Variants in HDAC9 observed in about 807,000 individuals in gnomAD.
The protein encoded by HDAC9 is histone deacetylase 9, also known as MEF-2 interacting transcription repressor (MITR) protein.
A neutral mutation model predicts 139.4 loss-of-function variants in HDAC9; 41 were observed. That is an observed-to-expected ratio of 0.29 (90% CI 0.23 to 0.38). HDAC9 has a LOEUF of 0.38. Among genes scored for constraint, HDAC9 ranks in the 10% least tolerant of loss-of-function variants. The pLI, the probability that HDAC9 is intolerant of heterozygous loss-of-function variation, is 1.00. For synonymous variants in HDAC9, 517 were observed against 476.2 expected (o/e 1.09, Z -1.12); for missense variants, 1,147 against 1,297.0 (o/e 0.88, Z 1.78).
intron 24 of HDAC9, among the ~76,000 whole-genome samples, chr7:18,970,692 G>A (rs1254382352): frequency 2.0e-5 from 3 of 152,144 alleles, no homozygotes; most frequent in Admixed American, 6.5e-5. Flanking sequence ...AGCCCCAGGT[G>A]TTAATAATTT....
At chr7:18,251,159 T>A (rs1353325069) in intron 2 of HDAC9, among the ~76,000 whole-genome samples, 1 of 152,222 alleles carries the variant, frequency 6.6e-6, no homozygotes, top group Non-Finnish European at 1.5e-5. Flanking sequence ...ATATACAGCA[T>A]GGAATACCAT....
intron 2 of HDAC9, among the ~76,000 whole-genome samples, chr7:18,209,735 C>T (rs868150635): frequency 3.3e-5 from 5 of 151,672 alleles, no homozygotes; most frequent in African/African-American, 1.2e-4. Flanking sequence ...GAGTCTCACT[C>T]TGTTGCCCAG....
chr7:18,842,589 C>T (rs570468708), intron 21 of HDAC9, among the ~76,000 whole-genome samples: 3 of 152,020 alleles, frequency 2.0e-5, no homozygotes, highest in Non-Finnish European at 2.9e-5. Flanking sequence ...TTTATCAAAG[C>T]GGGTCACAAG....
At chr7:18,993,805 A>T (rs1166904258) in intron 25 of HDAC9, among the ~76,000 whole-genome samples, 2 of 152,206 alleles carry the variant, frequency 1.3e-5, no homozygotes, top group Admixed American at 6.5e-5. Context: ...CCTGTCTCAA[A>T]AATACATAAA....
chr7:18,644,493 T>A (rs1006969856), intron 8 of HDAC9, among the ~76,000 whole-genome samples, 178 bp from the exon 9 acceptor site: 1 of 152,152 alleles, frequency 6.6e-6, no homozygotes, highest in Admixed American at 6.6e-5. Context: ...TATAACTATG[T>A]CTTTGGAAGA....
chr7:18,396,199 G>T (rs1050724437), intron 1 of HDAC9, among the ~76,000 whole-genome samples: 28 of 143,372 alleles, frequency 2.0e-4, no homozygotes, highest in Non-Finnish European at 1.7e-4. Flanking sequence ...GAGGGACATT[G>T]TGTGCCAGGT....
chr7:18,823,782 C>A (rs529210539), intron 17 of HDAC9, among the ~76,000 whole-genome samples: 1 of 151,962 alleles, frequency 6.6e-6, no homozygotes. Context: ...AGTTTGAGAC[C>A]AGCCTGGGCA....
intron 22 of HDAC9, among the ~76,000 whole-genome samples, chr7:18,897,318 C>T (rs1160234629): frequency 4.0e-5 from 6 of 151,836 alleles, no homozygotes; most frequent in Non-Finnish European, 7.4e-5. Flanking sequence ...CAAATGATCG[C>T]TTATTGAATA....
intron 1 of HDAC9, among the ~76,000 whole-genome samples, chr7:18,292,994 A>T (rs999489171): frequency 2.0e-5 from 3 of 149,568 alleles, no homozygotes; most frequent in Non-Finnish European, 4.5e-5. Context: ...GGTGTTTTAA[A>T]TTTTTTTTTT....
intron 24 of HDAC9, among the ~76,000 whole-genome samples, chr7:18,961,890 T>A (rs1031932133): frequency 2.6e-5 from 4 of 152,164 alleles, no homozygotes; most frequent in African/African-American, 9.7e-5. Flanking sequence ...TTACACTATG[T>A]CACAAATAAG....
chr7:18,616,635 A>G (rs1049657403), intron 6 of HDAC9, among the ~76,000 whole-genome samples: 2 of 152,258 alleles, frequency 1.3e-5, no homozygotes, highest in African/African-American at 4.8e-5. Context: ...TTCCAAAACC[A>G]TAAAGGTTGT....
intron 12 of HDAC9, among the ~76,000 whole-genome samples, chr7:18,684,380 C>T (rs1450797481): frequency 6.6e-6 from 1 of 151,874 alleles, no homozygotes; most frequent in Non-Finnish European, 1.5e-5. Context: ...TGGCTCACAC[C>T]TACAATCCCA....
intron 2 of HDAC9, among the ~76,000 whole-genome samples, chr7:18,239,226 G>A (rs1284478441): frequency 6.6e-6 from 1 of 152,038 alleles, no homozygotes; most frequent in Non-Finnish European, 1.5e-5. Flanking sequence ...CAAACAGAAG[G>A]ATACATCCTT....
At chr7:18,398,687 G>A (rs1250926391) in intron 1 of HDAC9, among the ~76,000 whole-genome samples, 2 of 151,998 alleles carry the variant, frequency 1.3e-5, no homozygotes, top group African/African-American at 4.8e-5. Flanking sequence ...ATTTAAATAT[G>A]GTTAAACTAA....
chr7:18,439,673 T>C (rs1265266915), intron 1 of HDAC9, among the ~76,000 whole-genome samples: 1 of 152,194 alleles, frequency 6.6e-6, no homozygotes, highest in African/African-American at 2.4e-5. Flanking sequence ...AATTTAGTGG[T>C]TTGAAACTGG....
At chr7:18,367,916 A>T (rs550138836) in intron 1 of HDAC9, among the ~76,000 whole-genome samples, 97 of 152,204 alleles carry the variant, frequency 6.4e-4, no homozygotes, top group African/African-American at 2.2e-3. Context: ...CCTGATTAGC[A>T]TGAGGTTGAG....
intron 1 of HDAC9, among the ~76,000 whole-genome samples, chr7:18,416,675 A>G (rs1468724582): frequency 1.3e-5 from 2 of 152,156 alleles, no homozygotes; most frequent in African/African-American, 4.8e-5. Flanking sequence ...CTTCAATTCA[A>G]TTGAAAAAAA....
chr7:18,395,055 G>T (rs147730656), intron 1 of HDAC9: 1 of 152,006 alleles, frequency 6.6e-6, no homozygotes, highest in Non-Finnish European at 1.5e-5. Flanking sequence ...TGATAATATC[G>T]TAATTTTACA....
At chr7:18,485,074 TTAAA>T (rs999396825) in intron 1 of HDAC9, among the ~76,000 whole-genome samples, 1 of 152,174 alleles carries the variant, frequency 6.6e-6, no homozygotes, top group Non-Finnish European at 1.5e-5. Flanking sequence ...TGATTGATTC[TTAAA>T]TAGACTGTCC....
Sources: gnomAD v4.1 joint callset for allele counts (sites outside exome capture counted in the v4.1 genomes callset) on GRCh38, gnomAD v4.1.1 for gene constraint, MANE v1.5 for transcripts, NCBI Gene and HGNC (gene_info 2026-07-23, HGNC 2026-07-21) for gene names.